Variants in ROBO1 observed in about 807,000 individuals in gnomAD.
ROBO1 encodes roundabout homolog 1.
In ROBO1, 149 loss-of-function variants were observed where a neutral mutation model predicts 195.9. The observed-to-expected ratio is 0.76, with a 90% CI of 0.67 to 0.87. The LOEUF (loss-of-function observed/expected upper bound fraction) is 0.87, where lower values mean the gene tolerates loss of function less well. ROBO1 is among the 40% of genes least tolerant of loss of function. The pLI, the probability that ROBO1 is intolerant of heterozygous loss-of-function variation, is 0.00. For synonymous variants in ROBO1, 816 were observed against 733.2 expected (o/e 1.11, Z -1.82); for missense variants, 1,933 against 2,068.3 (o/e 0.93, Z 1.27).
chr3:79,733,273 C>A (rs866572627), intron 1 of ROBO1, among the ~76,000 whole-genome samples: 1 of 152,184 alleles, frequency 6.6e-6, no homozygotes, highest in African/African-American at 2.4e-5. Flanking sequence ...TTCCCATTAA[C>A]CATACAGTTA....
At chr3:79,332,012 G>A (rs917313279) in intron 2 of ROBO1, among the ~76,000 whole-genome samples, 7 of 152,038 alleles carry the variant, frequency 4.6e-5, no homozygotes, top group South Asian at 2.1e-4. Flanking sequence ...GCGTGGTGGC[G>A]GGCGCCTGTA....
intron 2 of ROBO1, among the ~76,000 whole-genome samples, chr3:79,497,206 A>G (rs1939794585): frequency 6.6e-6 from 1 of 152,210 alleles, no homozygotes. Context: ...TTCGTCTGAT[A>G]CACATTATTT....
intron 2 of ROBO1, among the ~76,000 whole-genome samples, chr3:79,490,473 A>G (rs567244776): frequency 2.7e-4 from 41 of 151,590 alleles, no homozygotes; most frequent in Non-Finnish European, 4.9e-4. Context: ...GCCCAATAAC[A>G]TATATATTTA....
intron 2 of ROBO1, among the ~76,000 whole-genome samples, chr3:79,438,870 T>C (rs1190386264): frequency 6.6e-6 from 1 of 152,050 alleles, no homozygotes; most frequent in African/African-American, 2.4e-5. Context: ...ATGCTTCAAA[T>C]TGATTCATAG....
At chr3:79,229,141 C>T (rs531141675) in intron 2 of ROBO1, among the ~76,000 whole-genome samples, 3 of 152,124 alleles carry the variant, frequency 2.0e-5, no homozygotes, top group Non-Finnish European at 4.4e-5. Context: ...CTAAAAACAG[C>T]TCTGGATTGA....
intron 2 of ROBO1, among the ~76,000 whole-genome samples, chr3:79,298,757 C>T (rs2032730962): frequency 6.6e-6 from 1 of 151,964 alleles, no homozygotes; most frequent in Non-Finnish European, 1.5e-5. Flanking sequence ...AACAGATACT[C>T]AATTATTTTT....
intron 1 of ROBO1, among the ~76,000 whole-genome samples, chr3:79,651,519 G>A (rs758834204): frequency 6.6e-6 from 1 of 152,054 alleles, no homozygotes; most frequent in Non-Finnish European, 1.5e-5. Flanking sequence ...TCACAAAACT[G>A]TGCCAACTTG....
intron 4 of ROBO1, among the ~76,000 whole-genome samples, chr3:78,928,942 A>G (rs1319779818): frequency 6.6e-6 from 1 of 152,194 alleles, no homozygotes; most frequent in Non-Finnish European, 1.5e-5. Flanking sequence ...AAATATGTAC[A>G]GAGTCGGGGA....
intron 2 of ROBO1, among the ~76,000 whole-genome samples, chr3:79,190,776 A>G (rs1302957660): frequency 6.6e-6 from 1 of 151,672 alleles, no homozygotes; most frequent in East Asian, 1.9e-4. Flanking sequence ...CTTTTTAAAA[A>G]AATGTTTGTT....
chr3:79,326,011 G>A (rs770564456), intron 2 of ROBO1, among the ~76,000 whole-genome samples: 19 of 152,210 alleles, frequency 1.2e-4, no homozygotes, highest in Non-Finnish European at 2.1e-4. Context: ...GGGTGTGGCC[G>A]TCTACTATGG....
At chr3:78,618,456 C>T (rs563937157) in intron 26 of ROBO1, among the ~76,000 whole-genome samples, 1 of 152,324 alleles carries the variant, frequency 6.6e-6, no homozygotes, top group Non-Finnish European at 1.5e-5. Context: ...CTTTGCTCCA[C>T]AAACATCTGT....
chr3:79,327,647 C>A (rs1438109590), intron 2 of ROBO1, among the ~76,000 whole-genome samples: 6 of 152,036 alleles, frequency 3.9e-5, no homozygotes, highest in Non-Finnish European at 8.8e-5. Flanking sequence ...CTTTATCCTG[C>A]ATGAATAAAT....
At chr3:79,279,541 C>G (rs2031344592) in intron 2 of ROBO1, among the ~76,000 whole-genome samples, 1 of 152,046 alleles carries the variant, frequency 6.6e-6, no homozygotes, top group Non-Finnish European at 1.5e-5. Context: ...AATACAGCTA[C>G]TATAAAGGTT....
chr3:78,945,155 A>T (rs2040358048), intron 3 of ROBO1, among the ~76,000 whole-genome samples: 1 of 152,220 alleles, frequency 6.6e-6, no homozygotes, highest in East Asian at 1.9e-4. Flanking sequence ...CCTCTCTGAC[A>T]GCTTTGAAGA....
At chr3:79,495,417 TA>T (rs749302834) in intron 2 of ROBO1, among the ~76,000 whole-genome samples, 2 of 151,874 alleles carry the variant, frequency 1.3e-5, no homozygotes, top group Admixed American at 6.6e-5. Flanking sequence ...TTGAAATACA[TA>T]AAAAAACCCA....
chr3:78,976,422 C>T (rs80000050), intron 3 of ROBO1, among the ~76,000 whole-genome samples: 3 of 152,132 alleles, frequency 2.0e-5, no homozygotes, highest in South Asian at 2.1e-4. Context: ...TGAGTCTTTG[C>T]GCTTATCAGG....
chr3:78,858,424 G>C (rs1375338079), intron 4 of ROBO1, among the ~76,000 whole-genome samples: 1 of 151,988 alleles, frequency 6.6e-6, no homozygotes, highest in Non-Finnish European at 1.5e-5. Flanking sequence ...AGCAGCTGCA[G>C]ATCCTTAGAA....
intron 2 of ROBO1, among the ~76,000 whole-genome samples, chr3:79,393,867 C>T (rs957920310): frequency 1.3e-5 from 2 of 151,952 alleles, no homozygotes; most frequent in Non-Finnish European, 1.5e-5. Flanking sequence ...GCAGGGAACC[C>T]GAACATCTGA....
At chr3:78,960,276 G>A (rs1256747804) in intron 3 of ROBO1, among the ~76,000 whole-genome samples, 1 of 151,056 alleles carries the variant, frequency 6.6e-6, no homozygotes, top group African/African-American at 2.4e-5. Context: ...ATCTACCAAT[G>A]CAAATAGAGG....
Sources: gnomAD v4.1 joint callset for allele counts (sites outside exome capture counted in the v4.1 genomes callset) on GRCh38, gnomAD v4.1.1 for gene constraint, MANE v1.5 for transcripts, NCBI Gene and HGNC (gene_info 2026-07-23, HGNC 2026-07-21) for gene names.